SLC8A1: variants seen among roughly 807,000 people sequenced by gnomAD.
The protein encoded by SLC8A1 is sodium/calcium exchanger 1.
SLC8A1 carries 18 observed loss-of-function variants against 68.3 expected under a neutral mutation model. The observed-to-expected ratio is 0.26, with a 90% CI of 0.18 to 0.39. SLC8A1 has a LOEUF of 0.39. Among genes scored for constraint, SLC8A1 ranks in the 10% least tolerant of loss-of-function variants. The pLI is 1.00. For synonymous variants in SLC8A1, 475 were observed against 415.5 expected, an observed-to-expected ratio of 1.14 and a Z score of -1.74; for missense variants, 985 against 1,156.7, an observed-to-expected ratio of 0.85 and a Z score of 2.15.
chr2:40,190,069 A>G (rs2051474665), intron 2 of SLC8A1, among the ~76,000 whole-genome samples: 1 of 152,174 alleles, frequency 6.6e-6, no homozygotes, highest in Non-Finnish European at 1.5e-5. Flanking sequence ...GTTTCCCTAG[A>G]AGGCCATCCT....
intron 4 of SLC8A1, among the ~76,000 whole-genome samples, chr2:40,172,973 C>G (rs2047787058): frequency 6.6e-6 from 1 of 152,076 alleles, no homozygotes; most frequent in Admixed American, 6.6e-5. Flanking sequence ...AGTAATAAAA[C>G]AGAAAGATAT....
intron 1 of SLC8A1, among the ~76,000 whole-genome samples, chr2:40,476,559 G>C (rs756451339): frequency 1.5e-4 from 23 of 152,232 alleles, no homozygotes; most frequent in Non-Finnish European, 3.2e-4. Context: ...CATTTGACCA[G>C]AGACCTTAAT....
intron 2 of SLC8A1, among the ~76,000 whole-genome samples, chr2:40,415,784 G>A (rs1693631429): frequency 6.6e-6 from 1 of 151,140 alleles, no homozygotes; most frequent in African/African-American, 2.4e-5. Flanking sequence ...AGAGACCAGG[G>A]GTGGGTCACA....
intron 1 of SLC8A1, among the ~76,000 whole-genome samples, chr2:40,483,382 G>A (rs2149915146): frequency 6.6e-6 from 1 of 152,190 alleles, no homozygotes; most frequent in East Asian, 1.9e-4. Context: ...TACACCAAGG[G>A]TGTGAGTAGA....
chr2:40,197,959 C>A (rs1246156615), intron 2 of SLC8A1, among the ~76,000 whole-genome samples: 7 of 151,896 alleles, frequency 4.6e-5, no homozygotes, highest in Non-Finnish European at 8.8e-5. Flanking sequence ...CTCCACCCCA[C>A]ATCTTTAGTT....
At chr2:40,216,473 G>A (rs570294094) in intron 2 of SLC8A1, among the ~76,000 whole-genome samples, 1 of 152,286 alleles carries the variant, frequency 6.6e-6, no homozygotes, top group African/African-American at 2.4e-5. Flanking sequence ...ACATGTGCAT[G>A]TGTCTTTATA....
intron 2 of SLC8A1, among the ~76,000 whole-genome samples, chr2:40,227,996 C>G (rs1371116539): frequency 6.6e-6 from 1 of 152,116 alleles, no homozygotes; most frequent in African/African-American, 2.4e-5. Context: ...AATGAATACC[C>G]ACAAGTGGAA....
chr2:40,213,239 A>AG (rs1200977688), intron 2 of SLC8A1: 5 of 152,218 alleles, frequency 3.3e-5, no homozygotes, highest in Non-Finnish European at 7.3e-5. Flanking sequence ...CGAGTGACCC[A>AG]GGAATGAAAC....
intron 6 of SLC8A1, among the ~76,000 whole-genome samples, chr2:40,155,231 G>A (rs371885303): frequency 3.3e-5 from 5 of 152,016 alleles, no homozygotes; most frequent in Non-Finnish European, 7.4e-5. Context: ...CCGGGTTCAC[G>A]CCATTCTCCT....
intron 1 of SLC8A1, among the ~76,000 whole-genome samples, chr2:40,468,265 A>G (rs1703809143): frequency 6.6e-6 from 1 of 152,184 alleles, no homozygotes; most frequent in African/African-American, 2.4e-5. Context: ...TACTAACTTT[A>G]GTAAGCATTT....
At chr2:40,444,356 A>T (rs552523714) in intron 1 of SLC8A1, among the ~76,000 whole-genome samples, 1 of 152,124 alleles carries the variant, frequency 6.6e-6, no homozygotes, top group East Asian at 1.9e-4. Flanking sequence ...GTAAAATTAA[A>T]AAGTCATCTG....
chr2:40,406,355 TA>T (rs1690319936), intron 2 of SLC8A1, among the ~76,000 whole-genome samples: 1 of 152,176 alleles, frequency 6.6e-6, no homozygotes, highest in Non-Finnish European at 1.5e-5. Context: ...TCCAAGATGC[TA>T]GAAGATTCCC....
intron 1 of SLC8A1, among the ~76,000 whole-genome samples, chr2:40,498,423 T>C (rs933143102): frequency 2.0e-5 from 3 of 152,182 alleles, no homozygotes; most frequent in Non-Finnish European, 2.9e-5. Flanking sequence ...GAGGTTGAAA[T>C]AGGAACCACA....
intron 2 of SLC8A1, among the ~76,000 whole-genome samples, chr2:40,348,822 C>A (rs948112423): frequency 2.6e-5 from 4 of 152,156 alleles, no homozygotes; most frequent in Non-Finnish European, 5.9e-5. Flanking sequence ...TCAGTCTCCC[C>A]ACAGTCGTAA....
chr2:40,144,222 G>T (rs1449057829), intron 6 of SLC8A1, among the ~76,000 whole-genome samples: 1 of 152,152 alleles, frequency 6.6e-6, no homozygotes, highest in Non-Finnish European at 1.5e-5. Flanking sequence ...AGAAAAGAAA[G>T]AAACAGGAAG....
At chr2:40,229,552 T>C (rs139848030) in intron 2 of SLC8A1, among the ~76,000 whole-genome samples, 2 of 152,324 alleles carry the variant, frequency 1.3e-5, no homozygotes, top group African/African-American at 4.8e-5. Context: ...TGATATTGTT[T>C]GCAAGACTCT....
intron 1 of SLC8A1, among the ~76,000 whole-genome samples, chr2:40,497,158 A>G (rs1388742151): frequency 6.6e-6 from 1 of 152,164 alleles, no homozygotes; most frequent in Non-Finnish European, 1.5e-5. Context: ...TTAGTTTAAC[A>G]GCATGGAGTT....
intron 2 of SLC8A1, among the ~76,000 whole-genome samples, chr2:40,264,972 G>A (rs937752535): frequency 6.6e-6 from 1 of 152,140 alleles, no homozygotes; most frequent in Non-Finnish European, 1.5e-5. Flanking sequence ...GAGCACAGGG[G>A]AAGATACACT....
At chr2:40,479,066 C>T (rs1264216961) in intron 1 of SLC8A1, among the ~76,000 whole-genome samples, 1 of 152,154 alleles carries the variant, frequency 6.6e-6, no homozygotes, top group African/African-American at 2.4e-5. Flanking sequence ...GCCACCACGC[C>T]CGGCCTCAAC....
Sources: allele counts gnomAD v4.1 joint callset (sites outside exome capture counted in the v4.1 genomes callset), GRCh38; gene constraint gnomAD v4.1.1; transcripts MANE v1.5; gene names NCBI Gene and HGNC (gene_info 2026-07-23, HGNC 2026-07-21).